FXR1: variants seen among roughly 807,000 people sequenced by gnomAD.
FXR1 encodes the protein FMR1 autosomal homolog 1.
FXR1 carries 15 observed loss-of-function variants against 84.0 expected under a neutral mutation model. That is an observed-to-expected ratio of 0.18 (90% CI 0.12 to 0.27). FXR1 has a LOEUF of 0.27. Among genes scored for constraint, FXR1 ranks in the 10% least tolerant of loss-of-function variants. The probability of loss-of-function intolerance (pLI) is 1.00; values close to 1 mark genes in which losing one functional copy is unlikely to be tolerated. For synonymous variants in FXR1, 245 were observed against 250.7 expected (o/e 0.98, Z 0.21); for missense variants, 480 against 774.4 (o/e 0.62, Z 4.51).
rs769258586 is a variant in FXR1, at chr3:180,912,743, A to G, written c.51+7A>G. 6.2e-7 allele frequency: 1 copy of G among 1,613,724 alleles called. No homozygotes were observed. Among genetic ancestry groups the G allele is most frequent in the East Asian group, 2.2e-5 (1 of 44,846 alleles). On this transcript the variant is annotated splice_region_variant and intron_variant, in intron 1 of 16. Coordinates refer to ENST00000357559, the MANE Select transcript of FXR1 (RefSeq NM_005087.4). The stretch of plus-strand genomic sequence containing the variant: ...TAACGGGGCTTTCTACAAGGTACTG[A>G]CCGTTTTGCCACTTTGTCGAGTGTT...
intron 11 of FXR1, among the ~76,000 whole-genome samples, chr3:180,961,922 A>G (rs778852707): frequency 1.6e-4 from 24 of 152,150 alleles, no homozygotes; most frequent in Non-Finnish European, 2.6e-4. Context: ...TGTACTTTAC[A>G]TACAAATAGG....
At chr3:180,930,592 A>G (rs1719769861) in intron 1 of FXR1, among the ~76,000 whole-genome samples, 2 of 152,194 alleles carry the variant, frequency 1.3e-5, no homozygotes, top group African/African-American at 4.8e-5. Context: ...GGTTGAAAAT[A>G]TGGCTGTCTT....
intron 1 of FXR1, among the ~76,000 whole-genome samples, chr3:180,920,517 C>CTTTTTTTT (rs11359852): frequency 7.9e-6 from 1 of 127,378 alleles, no homozygotes; most frequent in Non-Finnish European, 1.7e-5. Flanking sequence ...TAGTTTTGTT[C>CTTTTTTTT]TTTTTTTTTT....
At chr3:180,941,790 T>C (rs1208422634) in intron 3 of FXR1, among the ~76,000 whole-genome samples, 1 of 152,310 alleles carries the variant, frequency 6.6e-6, no homozygotes, top group Middle Eastern at 3.4e-3. Context: ...GCCTTAAAGG[T>C]GAATGAGATA....
At chr3:180,968,298 G>C (rs775830815) in intron 14 of FXR1, 44 bp downstream of exon 14, 2 of 1,352,424 alleles carry the variant, frequency 1.5e-6, no homozygotes, top group East Asian at 4.7e-5. Context: ...TTTGTAAACA[G>C]TTTAATTTTA....
At chr3:180,926,506 A>ATATATTTTTTTTTTTTTTTT (rs72192827) in intron 1 of FXR1, among the ~76,000 whole-genome samples, 5 of 124,372 alleles carry the variant, frequency 4.0e-5, no homozygotes, top group African/African-American at 1.5e-4. Flanking sequence ...ATATATATAT[A>ATATATTTTTTTTTTTTTTTT]TTTTTTTTTC....
chr3:180,929,636 T>C (rs1477867924), intron 1 of FXR1, among the ~76,000 whole-genome samples: 1 of 152,178 alleles, frequency 6.6e-6, no homozygotes. Context: ...TGCAGACAAA[T>C]GTGGCTGTTA....
At chr3:180,927,818 T>C (rs1321523065) in intron 1 of FXR1, 3 of 429,506 alleles carry the variant, frequency 7.0e-6, no homozygotes, top group Non-Finnish European at 1.2e-5. Flanking sequence ...TGTGAATTAC[T>C]TGTTCACCTA....
chr3:180,975,552 C>A, intron 16 of FXR1, 148 bp downstream of exon 16: 1 of 458,078 alleles, frequency 2.2e-6, no homozygotes, highest in Non-Finnish European at 4.0e-6. Flanking sequence ...ATGTTCTTGG[C>A]CCCAGGTAAC....
chr3:180,973,951 C>T lies in FXR1; in HGVS notation c.1604-1362C>T, dbSNP rs575517601. 8.2e-4 allele frequency among the ~76,000 whole-genome samples: 125 copies of T among 152,234 alleles called. 2 individuals carry two copies. The highest frequency in any genetic ancestry group is 3.4e-3 in the Middle Eastern group (1 of 294). ...AATTTATACTTTATGGACCAATTCTCCCCATACCTAGTGACTTTAAATAAA... is the reference window on the plus strand; with the variant it reads ...AATTTATACTTTATGGACCAATTCTTCCCATACCTAGTGACTTTAAATAAA... On this transcript the variant is annotated intron_variant, in intron 15 of 16. Coordinates refer to ENST00000357559, the MANE Select transcript of FXR1 (RefSeq NM_005087.4).
Position 180,980,761 on chromosome 3 carries a change from T to TAG in FXR1, c.*4469_*4470insAG, listed in dbSNP as rs1560034752. On this transcript the variant is annotated 3_prime_UTR_variant, in exon 17 of 17. Transcript: ENST00000357559. The stretch of plus-strand genomic sequence containing the variant: ...AGGATAGAAGCTCTTCCTATATATA[T>TAG]CTTGTTGCTAAGGCAGTAGTTGGCT... 1.3e-5 allele frequency: 2 copies of TAG among 151,996 alleles called. No homozygotes were observed. The highest frequency in any genetic ancestry group is 2.9e-5 in the Non-Finnish European group (2 of 67,936). The allele number at this position is 151,996 out of a possible 1,614,324, so 9.4% of individuals were successfully genotyped here. A position where few individuals can be genotyped will look rare whatever the true frequency, so the allele number is the denominator to read the frequency against.
At chr3:180,936,417 A>G (rs891327581) in intron 3 of FXR1, among the ~76,000 whole-genome samples, 3 of 151,702 alleles carry the variant, frequency 2.0e-5, no homozygotes, top group African/African-American at 7.3e-5. Flanking sequence ...ATAGGTACCC[A>G]CCATCACGCC....
chr3:180,964,720 T>G (rs1184295945), intron 13 of FXR1, among the ~76,000 whole-genome samples: 1 of 148,100 alleles, frequency 6.8e-6, no homozygotes, highest in Non-Finnish European at 1.5e-5. Context: ...TGTAGTTTTA[T>G]CAGTTTAATA....
intron 3 of FXR1, among the ~76,000 whole-genome samples, chr3:180,940,543 T>A (rs1489855425): frequency 6.6e-6 from 1 of 152,108 alleles, no homozygotes; most frequent in Non-Finnish European, 1.5e-5. Flanking sequence ...AAGCCTGACA[T>A]CTAAGGTGAT....
Position 180,980,032 on chromosome 3 carries a change from A to G in FXR1, c.*3740A>G, listed in dbSNP as rs1194134285. On this transcript the variant is annotated 3_prime_UTR_variant, in exon 17 of 17. Transcript: ENST00000357559. ...TAATGGTACAGAATTAGAAGCTGCT[A>G]TTTTAGCTCTATTAACTTTTTCTCT... 2 of 151,998 alleles carry G rather than the reference A, an allele frequency of 1.3e-5. No homozygotes were observed. The highest frequency in any genetic ancestry group is 2.1e-4 in the South Asian group (1 of 4,830). 9.4% of individuals were successfully genotyped at this position (151,998 alleles called of 1,614,324 possible). A position where few individuals can be genotyped will look rare whatever the true frequency, so the allele number is the denominator to read the frequency against.
chr3:180,922,863 C>T (rs1224776472), intron 1 of FXR1, among the ~76,000 whole-genome samples: 1 of 152,166 alleles, frequency 6.6e-6, no homozygotes, highest in Admixed American at 6.5e-5. Flanking sequence ...ATCTTCCTGC[C>T]TCGGCCTCCC....
rs1722472983 is a variant in FXR1 at position 180,953,854 on chromosome 3, C to CTAA, written c.880+15_880+17dup. On this transcript the variant is annotated intron_variant, in intron 9 of 16. Coordinates refer to ENST00000357559, the MANE Select transcript of FXR1 (RefSeq NM_005087.4). ...GGAATCTCGTTGGTAGGTACTTTTACTAAATGTTAAATAAGTTAATAAACA... is the reference window on the plus strand; with the variant it reads ...GGAATCTCGTTGGTAGGTACTTTTACTAATAAATGTTAAATAAGTTAATAAACA... 3.8e-6 allele frequency: 5 copies of CTAA among 1,309,894 alleles called. No individual in the cohort carries two copies. Among genetic ancestry groups the CTAA allele is most frequent in the Non-Finnish European group, 5.5e-6 (5 of 909,644 alleles). The allele number at this position is 1,309,894 out of a possible 1,614,324, so 81.1% of individuals were successfully genotyped here.
rs926150677 is a variant in FXR1 at position 180,913,670 on chromosome 3, A to G, written c.51+934A>G. On this transcript the variant is annotated intron_variant, in intron 1 of 16. Transcript: ENST00000357559. The stretch of plus-strand genomic sequence containing the variant: ...TTCACATATCTGAAAATGAAATCCT[A>G]ATAGTTTATTTTTTGCCACTATAGC... Among the ~76,000 whole-genome samples, 6 of 152,154 alleles carry G rather than the reference A, an allele frequency of 3.9e-5. No individual in the cohort carries two copies. The East Asian group carries it at 1.2e-3, about 29-fold the overall frequency.
intron 8 of FXR1, among the ~76,000 whole-genome samples, chr3:180,952,297 T>C (rs1171623758): frequency 6.6e-6 from 1 of 152,168 alleles, no homozygotes; most frequent in Non-Finnish European, 1.5e-5. Flanking sequence ...TCTTGACTTT[T>C]CATACATAGC....
Sources: gnomAD v4.1 joint callset for allele counts (sites outside exome capture counted in the v4.1 genomes callset) on GRCh38, gnomAD v4.1.1 for gene constraint, MANE v1.5 for transcripts, NCBI Gene and HGNC (gene_info 2026-07-23, HGNC 2026-07-21) for gene names.